The following SLC9A8 variants were observed in gnomAD, a reference collection of about 807,000 sequenced individuals.
SLC9A8 encodes the protein sodium/hydrogen exchanger 8.
A neutral mutation model predicts 66.6 loss-of-function variants in SLC9A8; 48 were observed. The observed-to-expected ratio is 0.72, with a 90% CI of 0.57 to 0.92. The LOEUF (loss-of-function observed/expected upper bound fraction) is 0.92, where lower values mean the gene tolerates loss of function less well. SLC9A8 is among the 40% of genes least tolerant of loss of function. The probability of loss-of-function intolerance (pLI) is 0.00; values close to 1 mark genes in which losing one functional copy is unlikely to be tolerated. For missense variants in SLC9A8, 599 were observed against 747.3 expected (o/e 0.80, Z 2.31); for synonymous variants, 274 against 282.6 (o/e 0.97, Z 0.31).
chr20:49,855,704 C>T (rs1021881624), intron 8 of SLC9A8, 123 bp downstream of exon 8: 42 of 885,382 alleles, frequency 4.7e-5, no homozygotes, highest in Non-Finnish European at 7.0e-5. Flanking sequence ...GATCAGTTCA[C>T]CCACTCTCTT....
chr20:49,820,287 G>A (rs1303789762), intron 2 of SLC9A8, among the ~76,000 whole-genome samples: 1 of 151,932 alleles, frequency 6.6e-6, no homozygotes, highest in Non-Finnish European at 1.5e-5. Flanking sequence ...CCAGGAGTTC[G>A]AGACCAGCCT....
At chr20:49,887,040 G>A in intron 15 of SLC9A8, 142 bp downstream of exon 15, 1 of 869,310 alleles carries the variant, frequency 1.2e-6, no homozygotes, top group Non-Finnish European at 1.8e-6. Flanking sequence ...CTCCCGATCT[G>A]GAGGCTGGAC....
chr20:49,887,483 G>C (rs2089932756), intron 15 of SLC9A8, among the ~76,000 whole-genome samples: 1 of 152,178 alleles, frequency 6.6e-6, no homozygotes, highest in Admixed American at 6.5e-5. Flanking sequence ...CTGTGTCCCT[G>C]ACAGCTGAGG....
rs562963031 is a variant in SLC9A8 at position 49,834,314 on chromosome 20, GTA to G, written c.290-5214_290-5213del. On this transcript the variant is annotated intron_variant, in intron 3 of 15. Transcript: ENST00000361573. ...TATACACACACTATATATACAGTGT[GTA>G]TATATATATATACTGTGTATATATA... Among the ~76,000 whole-genome samples, 355 of 75,144 alleles carry G rather than the reference GTA, an allele frequency of 4.7e-3. 7 individuals are homozygous for G. Among genetic ancestry groups the G allele is most frequent in the Middle Eastern group, 7.9e-3 (1 of 126 alleles). The allele number at this position is 75,144 out of a possible 152,430, so 49.3% of individuals were successfully genotyped here. A position where few individuals can be genotyped will look rare whatever the true frequency, so the allele number is the denominator to read the frequency against.
intron 3 of SLC9A8, among the ~76,000 whole-genome samples, chr20:49,823,676 A>G (rs943191901): frequency 2.0e-5 from 3 of 152,152 alleles, no homozygotes; most frequent in Non-Finnish European, 4.4e-5. Flanking sequence ...GTTGCAGTGA[A>G]TGAACCCGTG....
At chr20:49,842,456 A>G (rs1031567229) in intron 4 of SLC9A8, among the ~76,000 whole-genome samples, 1 of 152,236 alleles carries the variant, frequency 6.6e-6, no homozygotes, top group Non-Finnish European at 1.5e-5. Context: ...AGTAGTACAG[A>G]TGCCTGCTGA....
intron 5 of SLC9A8, among the ~76,000 whole-genome samples, chr20:49,845,728 T>G (rs762100513): frequency 1.2e-4 from 18 of 152,216 alleles, no homozygotes; most frequent in Non-Finnish European, 2.1e-4. Flanking sequence ...TGCCCATTCT[T>G]TCCTCCCTGC....
In SLC9A8 at chr20:49,887,948, A is replaced by C; in HGVS notation, c.*12A>C. The C allele has an allele frequency of 6.2e-7, 1 of 1,606,950 alleles. No homozygotes were observed. The highest frequency in any genetic ancestry group is 8.5e-7 in the Non-Finnish European group (1 of 1,173,986). ...AGGAGCTGCTCTGACGCCAGGTGCC[A>C]AGGCTTCAGGCAGGCAGGCCCAGGA... On this transcript the variant is annotated 3_prime_UTR_variant, in exon 16 of 16. Transcript: ENST00000361573.
At chr20:49,834,169 CTCTCTCTCTCTCTCTCTATA>C (rs1300433989) in intron 3 of SLC9A8, among the ~76,000 whole-genome samples, 14 of 58,416 alleles carry the variant, frequency 2.4e-4, no homozygotes, top group Middle Eastern at 7.7e-3. Flanking sequence ...CTCTCTCTCT[CTCTCTCTCTCTCTCTCTATA>C]TATATATATA....
intron 13 of SLC9A8, among the ~76,000 whole-genome samples, chr20:49,882,305 C>T (rs539951478): frequency 2.6e-5 from 4 of 152,360 alleles, no homozygotes; most frequent in East Asian, 3.9e-4. Context: ...AGTGACCTCC[C>T]GCAGCCAGAC....
At chr20:49,871,935 A>C (rs762980623) in intron 10 of SLC9A8, among the ~76,000 whole-genome samples, 1 of 152,178 alleles carries the variant, frequency 6.6e-6, no homozygotes, top group Non-Finnish European at 1.5e-5. Context: ...TCCATGTTAG[A>C]TCCTCAGTCC....
chr20:49,832,012 C>G (rs1600668442), intron 3 of SLC9A8, among the ~76,000 whole-genome samples: 3 of 152,256 alleles, frequency 2.0e-5, no homozygotes, highest in African/African-American at 4.8e-5. Flanking sequence ...GGGGGACACT[C>G]CTTCCTGTTT....
chr20:49,822,375 C>T (rs369510191), intron 2 of SLC9A8, among the ~76,000 whole-genome samples: 1 of 152,230 alleles, frequency 6.6e-6, no homozygotes, highest in Non-Finnish European at 1.5e-5. Context: ...ACTTCCTCTT[C>T]ACCATATAGT....
intron 7 of SLC9A8, among the ~76,000 whole-genome samples, chr20:49,852,361 A>G (rs548808625): frequency 3.8e-4 from 58 of 152,158 alleles, no homozygotes; most frequent in African/African-American, 9.9e-4. Flanking sequence ...CAGTTTTTCA[A>G]TGTTGACAAC....
intron 3 of SLC9A8, among the ~76,000 whole-genome samples, chr20:49,827,016 A>G (rs960413903): frequency 1.3e-5 from 2 of 150,652 alleles, no homozygotes; most frequent in Non-Finnish European, 3.0e-5. Context: ...ATCTTGGCGC[A>G]CTGCAACCTC....
chr20:49,873,797 A>G (rs1277600762), intron 10 of SLC9A8, among the ~76,000 whole-genome samples: 2 of 139,884 alleles, frequency 1.4e-5, no homozygotes. Flanking sequence ...AAAAAAAAAG[A>G]ATCCACACAT....
At chr20:49,852,970 T>C (rs2088313483) in intron 7 of SLC9A8, among the ~76,000 whole-genome samples, 1 of 152,202 alleles carries the variant, frequency 6.6e-6, no homozygotes, top group Non-Finnish European at 1.5e-5. Context: ...TTTGGTTTTA[T>C]ACATTTTAGG....
chr20:49,850,852 C>T lies in SLC9A8; in HGVS notation c.569+8C>T. 6.3e-7 allele frequency: 1 copy of T among 1,595,812 alleles called. No individual in the cohort carries two copies. The highest frequency in any genetic ancestry group is 8.5e-7 in the Non-Finnish European group (1 of 1,171,894). ...ACTCAACATGACAGACAGGTAAATC[C>T]TTCATACTGTAACACCCATGCGACT... On this transcript the variant is annotated splice_region_variant and intron_variant, in intron 7 of 15. Transcript: ENST00000361573.
chr20:49,827,370 A>T (rs941721144), intron 3 of SLC9A8, among the ~76,000 whole-genome samples: 12 of 151,404 alleles, frequency 7.9e-5, no homozygotes, highest in Non-Finnish European at 1.3e-4. Context: ...TGGGAGGCCG[A>T]GGCGGGCAGA....
Sources: allele counts gnomAD v4.1 joint callset (sites outside exome capture counted in the v4.1 genomes callset), GRCh38; gene constraint gnomAD v4.1.1; transcripts MANE v1.5; gene names NCBI Gene and HGNC (gene_info 2026-07-23, HGNC 2026-07-21).